Variants in ZNF503 observed in about 807,000 individuals in gnomAD.
ZNF503 encodes the protein NocA-like zinc finger 2.
In ZNF503, 15 loss-of-function variants were observed where a neutral mutation model predicts 34.4. That is an observed-to-expected ratio of 0.44 (90% confidence interval 0.29 to 0.67). The LOEUF (loss-of-function observed/expected upper bound fraction) is 0.67, where lower values mean the gene tolerates loss of function less well. Ranked by LOEUF, ZNF503 falls within the 30% of genes least tolerant of loss-of-function variation. The pLI, the probability that ZNF503 is intolerant of heterozygous loss-of-function variation, is 0.13. For synonymous variants in ZNF503, 580 were observed against 456.8 expected (o/e 1.27, Z -3.44); for missense variants, 1,007 against 926.8 (o/e 1.09, Z -1.12).
At chr10:75,295,217 AC>A in the ZNF503 span, among the ~76,000 whole-genome samples, 337 of 151,088 alleles carry the variant, frequency 2.2e-3, 1 homozygote, top group Non-Finnish European at 3.5e-3. The surrounding 1 kb of genome is among the most constrained non-coding windows in gnomAD (Gnocchi z 4.0). Flanking sequence ...CGCCTGGGCG[AC>A]CCCCGGGAGG....
chr10:75,339,197 C>T, the ZNF503 span, among the ~76,000 whole-genome samples: 1 of 152,158 alleles, frequency 6.6e-6, no homozygotes, highest in African/African-American at 2.4e-5. Flanking sequence ...TGCCATTGCA[C>T]TCCAGCCTGG....
chr10:75,400,033 G>A lies in ZNF503; in HGVS notation c.657C>T (p.Cys219=). 1 of 1,600,252 alleles carries A rather than the reference G, an allele frequency of 6.2e-7. No individual in the cohort carries two copies. Among genetic ancestry groups the A allele is most frequent in the South Asian group, 1.1e-5 (1 of 89,634 alleles). ...KSGFRVPSAT[C]QPFTPRTGSP... ...TGCCTGTCCTGGGCGTGAATGGCTG[G>A]CAGGTGGCGCTCGGTACCCGGAATC... The change falls in exon 2 of 2, where the codon TGC becomes TGT. Residue 219 remains cysteine, a synonymous_variant. Coordinates refer to ENST00000372524, the MANE Select transcript of ZNF503 (RefSeq NM_032772.6).
At chr10:75,385,827 A>T in the ZNF503 span, among the ~76,000 whole-genome samples, 1 of 152,148 alleles carries the variant, frequency 6.6e-6, no homozygotes, top group Non-Finnish European at 1.5e-5. Flanking sequence ...CTTCCTCATA[A>T]GTTTCAGCCT....
the ZNF503 span, among the ~76,000 whole-genome samples, chr10:75,303,343 C>T: frequency 6.6e-6 from 1 of 152,194 alleles, no homozygotes; most frequent in Non-Finnish European, 1.5e-5. Flanking sequence ...GTTTCTGCCC[C>T]AGTCTAACTG....
At chr10:75,391,448 TA>T in the ZNF503 span, among the ~76,000 whole-genome samples, 1 of 152,166 alleles carries the variant, frequency 6.6e-6, no homozygotes, top group Non-Finnish European at 1.5e-5. Flanking sequence ...AGAAGGACCC[TA>T]GGTTCTTGGT....
the ZNF503 span, among the ~76,000 whole-genome samples, chr10:75,298,522 G>A: frequency 1.3e-5 from 2 of 152,184 alleles, no homozygotes; most frequent in African/African-American, 4.8e-5. Context: ...TAGTATGTAT[G>A]AGAACTTCAT....
the ZNF503 span, among the ~76,000 whole-genome samples, chr10:75,371,880 A>G: frequency 6.6e-6 from 1 of 152,102 alleles, no homozygotes; most frequent in Non-Finnish European, 1.5e-5. Flanking sequence ...TCTGCTCAAC[A>G]TGCCTGCCTG....
chr10:75,378,386 A>C, the ZNF503 span, among the ~76,000 whole-genome samples: 1 of 152,050 alleles, frequency 6.6e-6, no homozygotes, highest in Admixed American at 6.5e-5. Context: ...CCCACCAAGC[A>C]CCACAGCCCT....
At chr10:75,347,530 G>A in the ZNF503 span, among the ~76,000 whole-genome samples, 2 of 152,164 alleles carry the variant, frequency 1.3e-5, no homozygotes, top group South Asian at 2.1e-4. Context: ...TCCCCAAGGG[G>A]CCAGCCTAGG....
chr10:75,398,106 T>C lies in ZNF503; in HGVS notation c.*643A>G, dbSNP rs1285080914. The C allele has an allele frequency of 1.3e-5, 2 of 152,644 alleles. No individual in the cohort carries two copies. Among genetic ancestry groups the C allele is most frequent in the East Asian group, 3.9e-4 (2 of 5,180 alleles). The allele number at this position is 152,644 out of a possible 1,614,324, so 9.5% of individuals were successfully genotyped here. ...TCGATGGTATACACCTTAAAAATAA[T>C]TGCAATTTGAAATCAGAGCTGACAA... is the stretch of plus-strand genomic sequence containing the variant. On this transcript the variant is annotated 3_prime_UTR_variant, in exon 2 of 2. Coordinates refer to ENST00000372524, the MANE Select transcript of ZNF503 (RefSeq NM_032772.6).
At chr10:75,330,895 G>T in the ZNF503 span, among the ~76,000 whole-genome samples, 1 of 151,818 alleles carries the variant, frequency 6.6e-6, no homozygotes, top group South Asian at 2.1e-4. Flanking sequence ...TTTGGGGTTG[G>T]TTTATGCTTG....
the ZNF503 span, among the ~76,000 whole-genome samples, chr10:75,327,621 G>A: frequency 1.3e-5 from 2 of 152,144 alleles, no homozygotes; most frequent in Admixed American, 6.5e-5. Context: ...ACCCAGTAGT[G>A]GAATTGCTGG....
chr10:75,306,399 T>C, the ZNF503 span, among the ~76,000 whole-genome samples: 7 of 152,330 alleles, frequency 4.6e-5, no homozygotes, highest in East Asian at 1.3e-3. Flanking sequence ...GTTTGTCTGA[T>C]ATTTTTGTTG....
Position 75,398,704 on chromosome 10 carries a change from CCTCCCCCTCTCCCTCCT to C in ZNF503, c.*28_*44del. ...ATCCCGCCTCTCCCTGGACTCCTCC[CCTCCCCCTCTCCCTCCT>C]CTCCCTCGCTCGCCCTCCCGGCCGC... On this transcript the variant is annotated 3_prime_UTR_variant, in exon 2 of 2. Coordinates refer to ENST00000372524, the MANE Select transcript of ZNF503 (RefSeq NM_032772.6). 1 of 1,349,596 alleles carries C rather than the reference CCTCCCCCTCTCCCTCCT, an allele frequency of 7.4e-7. No homozygotes were observed. The highest frequency in any genetic ancestry group is 9.5e-7 in the Non-Finnish European group (1 of 1,055,550). 83.6% of individuals were successfully genotyped at this position (1,349,596 alleles called of 1,614,324 possible).
the ZNF503 span, among the ~76,000 whole-genome samples, chr10:75,348,959 ACT>A: frequency 1.7e-4 from 26 of 149,240 alleles, no homozygotes; most frequent in African/African-American, 2.9e-4. Context: ...TTTGCTATAT[ACT>A]CTCTCTCTCT....
chr10:75,396,612 G>C (rs1292562844), downstream of ZNF503, among the ~76,000 whole-genome samples: 3 of 152,214 alleles, frequency 2.0e-5, no homozygotes, highest in Non-Finnish European at 4.4e-5. The surrounding 1 kb of genome is among the most constrained non-coding windows in gnomAD (Gnocchi z 4.4). Context: ...TGAGTCCCCA[G>C]AGGCAACAGG....
chr10:75,298,115 TC>T, the ZNF503 span, among the ~76,000 whole-genome samples: 1 of 152,214 alleles, frequency 6.6e-6, no homozygotes, highest in Admixed American at 6.5e-5. Flanking sequence ...CAGTCAGTAC[TC>T]AGTTCCAGCC....
the ZNF503 span, among the ~76,000 whole-genome samples, chr10:75,281,379 C>T: frequency 6.6e-6 from 1 of 152,096 alleles, no homozygotes; most frequent in African/African-American, 2.4e-5. Context: ...CAGAAATGGC[C>T]TTTGTAATCC....
chr10:75,376,592 C>T, the ZNF503 span, among the ~76,000 whole-genome samples: 500 of 151,588 alleles, frequency 3.3e-3, 3 homozygotes, highest in African/African-American at 0.012. Context: ...TGCAGTGAGC[C>T]GAGATGATGC....
Sources: gnomAD v4.1 joint callset for allele counts (sites outside exome capture counted in the v4.1 genomes callset) on GRCh38, gnomAD v4.1.1 for gene constraint, Gnocchi (gnomAD v3.1) non-coding constraint, MANE v1.5 for transcripts, NCBI Gene and HGNC (gene_info 2026-07-23, HGNC 2026-07-21) for gene names.